FGFR2: variants seen among roughly 807,000 people sequenced by gnomAD.
The protein encoded by FGFR2 is fibroblast growth factor receptor 2.
A neutral mutation model predicts 95.9 loss-of-function variants in FGFR2; 19 were observed. The ratio of observed to expected loss-of-function variants is 0.20; its 90% CI spans 0.14 to 0.29. The LOEUF is 0.29. Among genes scored for constraint, FGFR2 ranks in the 10% least tolerant of loss-of-function variants. FGFR2 has a pLI of 1.00. For synonymous variants in FGFR2, 392 were observed against 393.3 expected (o/e 1.00, Z 0.04); for missense variants, 707 against 1,056.9 (o/e 0.67, Z 4.59).
intron 5 of FGFR2, among the ~76,000 whole-genome samples, chr10:121,549,325 A>C (rs1855028282): frequency 6.6e-6 from 1 of 152,196 alleles, no homozygotes; most frequent in Non-Finnish European, 1.5e-5. Context: ...GCAATGATGG[A>C]GCTAAAGTGA....
chr10:121,530,520 G>C (rs1851950403), intron 6 of FGFR2: 1 of 152,440 alleles, frequency 6.6e-6, no homozygotes, highest in African/African-American at 2.4e-5. Context: ...CTACCAGGAG[G>C]CTGAGGCAGG....
At chr10:121,510,717 C>T (rs567856697) in intron 9 of FGFR2, among the ~76,000 whole-genome samples, 2 of 151,930 alleles carry the variant, frequency 1.3e-5, no homozygotes, top group Admixed American at 1.3e-4. Flanking sequence ...TCCTAACGTC[C>T]CCAGGAATAT....
intron 12 of FGFR2, among the ~76,000 whole-genome samples, chr10:121,497,146 AAAAG>A (rs1442111197): frequency 8.6e-5 from 13 of 151,498 alleles, no homozygotes; most frequent in East Asian, 1.9e-4. Flanking sequence ...AAAAAAAAAA[AAAAG>A]AAGAAGAAAA....
intron 4 of FGFR2, among the ~76,000 whole-genome samples, chr10:121,562,702 C>A (rs1404174091): frequency 6.6e-6 from 1 of 152,208 alleles, no homozygotes; most frequent in Non-Finnish European, 1.5e-5. Flanking sequence ...GAGAAACTTA[C>A]ATGCATCTTA....
intron 17 of FGFR2, chr10:121,481,840 ATT>A (rs1206908851): frequency 6.2e-4 from 107 of 173,600 alleles, no homozygotes; most frequent in East Asian, 2.2e-3. Flanking sequence ...TTTTATTTTT[ATT>A]TTTTTTTTTT....
Position 121,538,439 on chromosome 10 carries a change from G to A in FGFR2, c.748+153C>T, listed in dbSNP as rs566486970. On this transcript the variant is annotated intron_variant, in intron 6 of 17. Transcript: ENST00000358487. ...GAAAACAGAATATTGTCAGATGACA[G>A]AAGCAGCCTTGTAAAATGATAGTAG... is the stretch of plus-strand genomic sequence containing the variant. 1.3e-5 allele frequency: 15 copies of A among 1,156,898 alleles called. No homozygotes were observed. In the Admixed American group the frequency reaches 2.5e-4, roughly 19 times the overall value. The allele number at this position is 1,156,898 out of a possible 1,614,324, so 71.7% of individuals were successfully genotyped here.
intron 2 of FGFR2, chr10:121,566,017 C>T (rs925222294): frequency 1.9e-5 from 9 of 470,540 alleles, no homozygotes; most frequent in Admixed American, 6.7e-5. Flanking sequence ...CCAAAGCGTG[C>T]TTGCACTGTA....
chr10:121,486,589 G>C (rs1032217367), intron 15 of FGFR2, among the ~76,000 whole-genome samples: 9 of 152,136 alleles, frequency 5.9e-5, no homozygotes, highest in Non-Finnish European at 1.2e-4. Context: ...TTACAGACAC[G>C]CATAACTACG....
At chr10:121,538,005 C>A in intron 6 of FGFR2, 1 of 239,710 alleles carries the variant, frequency 4.2e-6, no homozygotes. Context: ...CTTATCTGTG[C>A]ACTCTGACAA....
At chr10:121,529,757 C>T (rs1476625085) in intron 6 of FGFR2, among the ~76,000 whole-genome samples, 3 of 152,186 alleles carry the variant, frequency 2.0e-5, no homozygotes, top group South Asian at 2.1e-4. Context: ...TTATGGTCTT[C>T]GACCTCAAAA....
At chr10:121,587,725 T>TA (rs1862040294) in intron 2 of FGFR2, among the ~76,000 whole-genome samples, 1 of 152,114 alleles carries the variant, frequency 6.6e-6, no homozygotes, top group Non-Finnish European at 1.5e-5. Context: ...TGGCTATTAA[T>TA]AAAACGTCAA....
rs749651751 is a variant in FGFR2 at position 121,564,569 on chromosome 10, T to A, written c.387A>T (p.Ser129=). 7.4e-6 allele frequency: 12 copies of A among 1,613,792 alleles called. No homozygotes were observed. The South Asian group carries it at 1.3e-4, about 18-fold the overall frequency. Reference sequence around the variant, plus strand: ...CGGTGTCATCCTCATCATCTCCGGATGAGATGGCATCTGTATGCAAAAGAA... The same window carrying A: ...CGGTGTCATCCTCATCATCTCCGGAAGAGATGGCATCTGTATGCAAAAGAA... ...YFMVNVTDAI[S]SGDDEDDTDG... The change falls in exon 4 of 18, where the codon TCA becomes TCT. Residue 129 remains serine, a synonymous_variant. Transcript: ENST00000358487.
At chr10:121,488,771 T>C (rs1845760467) in intron 13 of FGFR2, among the ~76,000 whole-genome samples, 1 of 152,212 alleles carries the variant, frequency 6.6e-6, no homozygotes, top group Non-Finnish European at 1.5e-5. Flanking sequence ...CAGCTGCTTA[T>C]AGATCTGTAT....
At chr10:121,573,026 G>C (rs375131087) in intron 2 of FGFR2, among the ~76,000 whole-genome samples, 1 of 152,264 alleles carries the variant, frequency 6.6e-6, no homozygotes, top group Non-Finnish European at 1.5e-5. Flanking sequence ...CGGGAGGGTT[G>C]TCTTGAGACA....
intron 9 of FGFR2, among the ~76,000 whole-genome samples, chr10:121,507,364 G>T (rs1848450528): frequency 6.6e-6 from 1 of 152,248 alleles, no homozygotes; most frequent in Non-Finnish European, 1.5e-5. Flanking sequence ...AAGGTGGGCA[G>T]ATCTTCTGAG....
Position 121,598,297 on chromosome 10 carries a change from G to A in FGFR2, c.-486C>T, listed in dbSNP as rs2036807178. 2.7e-6 allele frequency: 1 copy of A among 366,660 alleles called. No homozygotes were observed. Among genetic ancestry groups the A allele is most frequent in the East Asian group, 3.8e-5 (1 of 26,356 alleles). 22.7% of individuals were successfully genotyped at this position (366,660 alleles called of 1,614,324 possible). A position where few individuals can be genotyped will look rare whatever the true frequency, so the allele number is the denominator to read the frequency against. The stretch of plus-strand genomic sequence containing the variant: ...CTCGGGGCCCCCGGGGCTCGCGGCC[G>A]GCCCCCGCCAGCCCGGAGAGCAGTC... On this transcript the variant is annotated 5_prime_UTR_variant, in exon 1 of 18. Coordinates refer to ENST00000358487, the MANE Select transcript of FGFR2 (RefSeq NM_000141.5).
chr10:121,559,359 T>C (rs762893464), intron 4 of FGFR2, among the ~76,000 whole-genome samples: 2 of 152,194 alleles, frequency 1.3e-5, no homozygotes, highest in Non-Finnish European at 2.9e-5. Flanking sequence ...CATTTGACAC[T>C]TGAGGTGGCA....
At chr10:121,516,155 G>A (rs1441986219) in intron 8 of FGFR2, among the ~76,000 whole-genome samples, 1 of 152,080 alleles carries the variant, frequency 6.6e-6, no homozygotes, top group African/African-American at 2.4e-5. Context: ...CCATCTACAA[G>A]CAGTGTATTT....
chr10:121,572,932 G>A (rs571894753), intron 2 of FGFR2, among the ~76,000 whole-genome samples: 1 of 152,210 alleles, frequency 6.6e-6, no homozygotes, highest in African/African-American at 2.4e-5. Context: ...GCCCCAGGAG[G>A]GGGAAATCTT....
Sources: allele counts gnomAD v4.1 joint callset (sites outside exome capture counted in the v4.1 genomes callset), GRCh38; gene constraint gnomAD v4.1.1; transcripts MANE v1.5; gene names NCBI Gene and HGNC (gene_info 2026-07-23, HGNC 2026-07-21).